Variants in ADGRL3 observed in about 807,000 individuals in gnomAD.
The protein encoded by ADGRL3 is calcium-independent alpha-latrotoxin receptor 3.
In ADGRL3, 62 loss-of-function variants were observed where a neutral mutation model predicts 153.5. The observed-to-expected ratio is 0.40, with a 90% CI of 0.33 to 0.50. ADGRL3 has a LOEUF of 0.50. ADGRL3 is among the 20% of genes least tolerant of loss of function. The pLI is 0.47. For missense variants in ADGRL3, 1,641 were observed against 1,859.4 expected (o/e 0.88, Z 2.16); for synonymous variants, 710 against 672.5 (o/e 1.06, Z -0.86).
chr4:61,261,325 C>T (rs7673011), intron 1 of ADGRL3, among the ~76,000 whole-genome samples: 18,475 of 151,882 alleles, frequency 0.12, 1,239 homozygotes, highest in Middle Eastern at 0.18. Context: ...AACCATTGCA[C>T]CTTGCCCTCC....
At chr4:61,557,916 A>C (rs2098774792) in intron 4 of ADGRL3, among the ~76,000 whole-genome samples, 4 of 151,764 alleles carry the variant, frequency 2.6e-5, no homozygotes, top group Admixed American at 2.6e-4. Flanking sequence ...GTATATTTAC[A>C]AAACAACTCC....
chr4:61,212,771 T>C (rs1253641482), intron 1 of ADGRL3, among the ~76,000 whole-genome samples: 1 of 152,218 alleles, frequency 6.6e-6, no homozygotes, highest in Non-Finnish European at 1.5e-5. Flanking sequence ...AGAAATCTTA[T>C]GTACAATGAC....
intron 2 of ADGRL3, among the ~76,000 whole-genome samples, chr4:61,431,659 G>A (rs987316753): frequency 3.3e-5 from 5 of 152,088 alleles, no homozygotes; most frequent in African/African-American, 9.7e-5. Context: ...AGAAATTATT[G>A]GGATAGAAGG....
At chr4:61,851,638 T>C (rs1380404194) in intron 9 of ADGRL3, among the ~76,000 whole-genome samples, 2 of 150,114 alleles carry the variant, frequency 1.3e-5, no homozygotes, top group Non-Finnish European at 3.0e-5. Flanking sequence ...ATTCAATGCA[T>C]TTGAGTGTCA....
At chr4:61,610,138 GAT>G (rs34171023) in intron 5 of ADGRL3, among the ~76,000 whole-genome samples, 39 of 146,686 alleles carry the variant, frequency 2.7e-4, no homozygotes, top group African/African-American at 4.2e-4. Flanking sequence ...AGGGAAGTGA[GAT>G]ATATATATAT....
intron 5 of ADGRL3, among the ~76,000 whole-genome samples, chr4:61,674,787 C>T (rs576622660): frequency 6.6e-6 from 1 of 152,032 alleles, no homozygotes; most frequent in South Asian, 2.1e-4. Flanking sequence ...TGGCTAAAAA[C>T]ATGTCACTTG....
chr4:61,720,674 G>C (rs767718987), intron 6 of ADGRL3, among the ~76,000 whole-genome samples: 2 of 152,162 alleles, frequency 1.3e-5, no homozygotes, highest in Non-Finnish European at 2.9e-5. Context: ...GCCTGGCATT[G>C]TATCTTGAAT....
chr4:61,697,131 A>T (rs2095657398), intron 6 of ADGRL3, among the ~76,000 whole-genome samples: 1 of 152,214 alleles, frequency 6.6e-6, no homozygotes, highest in African/African-American at 2.4e-5. Flanking sequence ...AATATCCTTA[A>T]AAAATTTATC....
At chr4:61,386,826 G>C (rs568076550) in intron 2 of ADGRL3, among the ~76,000 whole-genome samples, 1 of 152,228 alleles carries the variant, frequency 6.6e-6, no homozygotes, top group African/African-American at 2.4e-5. Flanking sequence ...CAAAATGTAT[G>C]TATTTCCAAT....
At chr4:62,015,681 C>T (rs17292170) in intron 21 of ADGRL3, among the ~76,000 whole-genome samples, 2,284 of 152,058 alleles carry the variant, frequency 0.015, 60 homozygotes, top group African/African-American at 0.052. Context: ...TTAATTTTCA[C>T]AGGGACATTT....
chr4:61,547,434 C>A (rs889256942), intron 4 of ADGRL3, among the ~76,000 whole-genome samples: 11 of 152,008 alleles, frequency 7.2e-5, no homozygotes, highest in African/African-American at 2.7e-4. Flanking sequence ...CCTTCAATCT[C>A]AAGTAGGCAC....
chr4:61,288,372 AATC>A (rs141620989), intron 1 of ADGRL3, among the ~76,000 whole-genome samples: 64,214 of 151,394 alleles, frequency 0.42, 13,666 homozygotes, highest in South Asian at 0.53. Context: ...CTTGAAATTG[AATC>A]ATCAAGGACC....
intron 4 of ADGRL3, among the ~76,000 whole-genome samples, chr4:61,535,959 A>AT (rs2098653311): frequency 6.6e-6 from 1 of 151,056 alleles, no homozygotes; most frequent in Non-Finnish European, 1.5e-5. Context: ...GTTTGTTCTT[A>AT]TTTTTCTAGT....
intron 17 of ADGRL3, among the ~76,000 whole-genome samples, chr4:61,974,224 C>T (rs2099040095): frequency 6.6e-6 from 1 of 152,176 alleles, no homozygotes; most frequent in African/African-American, 2.4e-5. Flanking sequence ...CTGCCTCGGC[C>T]TCCCAAAGCG....
At chr4:61,907,182 A>G (rs1164638469) in intron 11 of ADGRL3, among the ~76,000 whole-genome samples, 1 of 152,158 alleles carries the variant, frequency 6.6e-6, no homozygotes, top group Non-Finnish European at 1.5e-5. Flanking sequence ...CATAGACAGT[A>G]TAGGATGTTC....
intron 23 of ADGRL3, 112 bp from the exon 24 acceptor site, chr4:62,037,619 A>G: frequency 9.0e-7 from 1 of 1,116,910 alleles, no homozygotes; most frequent in East Asian, 2.4e-5. Flanking sequence ...TTACATCTGT[A>G]GGGCAAGGAA....
chr4:61,740,600 C>T (rs1050336646), intron 8 of ADGRL3, among the ~76,000 whole-genome samples: 1 of 152,140 alleles, frequency 6.6e-6, no homozygotes, highest in Non-Finnish European at 1.5e-5. Context: ...TAAATATTCA[C>T]GTGTTTTCCA....
At chr4:62,036,745 G>C (rs1725220552) in intron 23 of ADGRL3, among the ~76,000 whole-genome samples, 1 of 151,794 alleles carries the variant, frequency 6.6e-6, no homozygotes, top group African/African-American at 2.4e-5. Flanking sequence ...ATACATAAAG[G>C]CTTAAGAATA....
At chr4:61,768,279 A>T (rs1193373435) in intron 8 of ADGRL3, among the ~76,000 whole-genome samples, 1 of 152,014 alleles carries the variant, frequency 6.6e-6, no homozygotes, top group Non-Finnish European at 1.5e-5. Context: ...GGCAATAAAA[A>T]GATTACAGGG....
Sources: gnomAD v4.1 joint callset for allele counts (sites outside exome capture counted in the v4.1 genomes callset) on GRCh38, gnomAD v4.1.1 for gene constraint, MANE v1.5 for transcripts, NCBI Gene and HGNC (gene_info 2026-07-23, HGNC 2026-07-21) for gene names.